Variants in SYNE1 observed in about 807,000 individuals in gnomAD.
The protein encoded by SYNE1 is spectrin repeat containing nuclear envelope protein 1.
Under a neutral mutation model 1,111.0 loss-of-function variants are expected in SYNE1, and 616 were observed. The observed-to-expected ratio is 0.55, with a 90% CI of 0.52 to 0.59. SYNE1 has a LOEUF of 0.59. Among genes scored for constraint, SYNE1 ranks in the 20% least tolerant of loss-of-function variants. The pLI is 0.00. For missense variants in SYNE1, 10,006 were observed against 10,417.0 expected, an observed-to-expected ratio of 0.96 and a Z score of 1.72; for synonymous variants, 3,855 against 3,825.8, an observed-to-expected ratio of 1.01 and a Z score of -0.28.
At position 152,331,422 on chromosome 6, in the gene SYNE1, C is replaced by T. The variant is rs756578817; in HGVS notation, c.13263G>A (p.Gln4421=). The T allele has an allele frequency of 3.7e-6, 6 of 1,614,056 alleles. No homozygotes were observed. Among genetic ancestry groups the T allele is most frequent in the Non-Finnish European group, 5.1e-6 (6 of 1,180,038 alleles). ...CATCAGAGAGAGCCTTCTGGATGACCTGTCGCTCATTGAGACCAAGATCTG... is the reference window on the plus strand; with the variant it reads ...CATCAGAGAGAGCCTTCTGGATGACTTGTCGCTCATTGAGACCAAGATCTG... ...VMADLGLNER[Q]VIQKALSDAQ... is the part of the protein sequence containing the mutation. The change falls in exon 78 of 146, where the codon CAG becomes CAA. Residue 4421 remains glutamine, a synonymous_variant. Coordinates refer to ENST00000367255, the MANE Select transcript of SYNE1 (RefSeq NM_182961.4).
chr6:152,539,825 G>T, intron 4 of SYNE1, 135 bp downstream of exon 4: 3 of 1,027,030 alleles, frequency 2.9e-6, no homozygotes, highest in South Asian at 1.3e-5. Context: ...GCAACAGCTA[G>T]ACCAACCAAT....
intron 64 of SYNE1, among the ~76,000 whole-genome samples, chr6:152,360,174 T>C (rs531029873): frequency 6.6e-6 from 1 of 152,328 alleles, no homozygotes; most frequent in Admixed American, 6.5e-5. Flanking sequence ...ATCGTCCCAA[T>C]GCTGCCGGGA....
chr6:152,340,345 G>A (rs1453403867), intron 74 of SYNE1, among the ~76,000 whole-genome samples: 1 of 152,170 alleles, frequency 6.6e-6, no homozygotes, highest in Non-Finnish European at 1.5e-5. Context: ...AAGGAGAGCT[G>A]ACCATACATC....
rs1272180366 is a variant in SYNE1, at chr6:152,462,824, C to A, written c.2164G>T (p.Ala722Ser). The change falls in exon 20 of 146, where the codon GCT (alanine) becomes TCT (serine). Residue 722 changes from alanine (A) to serine (S), a missense_variant. By Grantham distance (99) the Ala-to-Ser change is moderately conservative. Coordinates refer to ENST00000367255, the MANE Select transcript of SYNE1 (RefSeq NM_182961.4). ...TTCTTATGGGCTTCCGTTGCAAAAGCAGACAGGGTAACAACACAGTCTGTG... is the reference window on the plus strand; with the variant it reads ...TTCTTATGGGCTTCCGTTGCAAAAGAAGACAGGGTAACAACACAGTCTGTG... The part of the protein sequence containing the change: ...EYTDCVVTLS[A>S]FATEAHKKLS... 6 of 1,613,882 alleles carry A rather than the reference C, an allele frequency of 3.7e-6. No homozygotes were observed. Among genetic ancestry groups the A allele is most frequent in the African/African-American group, 1.3e-5 (1 of 74,908 alleles).
chr6:152,574,890 T>G (rs1219651914), intron 3 of SYNE1, among the ~76,000 whole-genome samples: 2 of 152,160 alleles, frequency 1.3e-5, no homozygotes, highest in Non-Finnish European at 2.9e-5. Context: ...TTTTGGTTTG[T>G]TTTTTGTTTT....
At chr6:152,311,429 T>C (rs2095542844) in intron 87 of SYNE1, among the ~76,000 whole-genome samples, 2 of 152,124 alleles carry the variant, frequency 1.3e-5, no homozygotes, top group East Asian at 3.8e-4. Context: ...ACATCCCTGA[T>C]CATTCAGAGT....
At chr6:152,550,425 T>C (rs1327445201) in intron 3 of SYNE1, among the ~76,000 whole-genome samples, 2 of 152,156 alleles carry the variant, frequency 1.3e-5, no homozygotes, top group Non-Finnish European at 2.9e-5. Flanking sequence ...CAAATTTTAA[T>C]GTATTTGTCA....
At chr6:152,378,253 C>G (rs908652437) in intron 56 of SYNE1, among the ~76,000 whole-genome samples, 4 of 152,116 alleles carry the variant, frequency 2.6e-5, no homozygotes, top group Admixed American at 2.0e-4. Context: ...AGATGAGTAA[C>G]TACTCAAATA....
At chr6:152,145,529 C>T in intron 137 of SYNE1, 1 of 1,614,068 alleles carries the variant, frequency 6.2e-7, no homozygotes, top group South Asian at 1.1e-5. Flanking sequence ...TTTACATAGG[C>T]CTCAGGGCTT....
chr6:152,140,283 G>T, intron 139 of SYNE1, 122 bp from the exon 140 acceptor site: 1 of 947,256 alleles, frequency 1.1e-6, no homozygotes, highest in Non-Finnish European at 1.7e-6. Flanking sequence ...AATTCCACTG[G>T]GCATTTTCGT....
intron 132 of SYNE1, 48 bp from the exon 133 acceptor site, chr6:152,155,090 T>C: frequency 6.2e-7 from 1 of 1,612,554 alleles, no homozygotes; most frequent in Non-Finnish European, 8.5e-7. Flanking sequence ...GAGACTGTTT[T>C]CGCTCCAGAA....
In SYNE1 at chr6:152,211,526, T is replaced by C. The variant is rs779555194; in HGVS notation, c.22557A>G (p.Gln7519=). 1.2e-5 allele frequency: 20 copies of C among 1,613,868 alleles called. No homozygotes were observed. In the East Asian group the frequency reaches 1.3e-4, roughly 11 times the overall value. Residue 7519 remains glutamine (Q), a synonymous_variant, in exon 124 of 146, where the codon CAA becomes CAG. Transcript: ENST00000367255. ...QILHSIIIDG[Q]RLLEQGQVDD... ...CAACTTGACCTTGTTCTAGAAGACG[T>C]TGCCCATCAATAATGATTGAGTGCA...
Position 152,208,090 on chromosome 6 carries a change from C to T in SYNE1, c.22706G>A (p.Arg7569Lys), listed in dbSNP as rs2076852621. 1 of 1,614,004 alleles carries T rather than the reference C, an allele frequency of 6.2e-7. No homozygotes were observed. Among genetic ancestry groups the T allele is most frequent in the Non-Finnish European group, 8.5e-7 (1 of 1,180,024 alleles). ...TTTACGAAGCTTTTCTGCCATCTCC[C>T]TATAGCGCTGCCACTGGCGAATCTG... ...DSQIRQWQRY[R>K]EMAEKLRKWL... Residue 7569 changes from arginine to lysine, a missense_variant, in exon 125 of 146, where the codon AGG becomes AAG. This residue lies in a region of SYNE1 where 2,182 missense variants were observed against 2,287.8 expected (regional missense o/e 0.95). Transcript: ENST00000367255.
In SYNE1 at chr6:152,442,214, CTCT is replaced by C. The variant is rs763266451; in HGVS notation, c.3866_3868del (p.Lys1289del). On this transcript the variant is annotated inframe_deletion, in exon 31 of 146. Coordinates refer to ENST00000367255, the MANE Select transcript of SYNE1 (RefSeq NM_182961.4). ...CTGCGCGATCTGCTGCTGCACATCT[CTCT>C]TCTTTGCTGAGATCCGCTTTGTCTT... The C allele has an allele frequency of 5.6e-6, 9 of 1,613,492 alleles. No homozygotes were observed. Among genetic ancestry groups the C allele is most frequent in the African/African-American group, 4.0e-5 (3 of 75,064 alleles).
chr6:152,422,669 CT>C (rs1419909498), intron 39 of SYNE1, among the ~76,000 whole-genome samples: 2 of 151,956 alleles, frequency 1.3e-5, no homozygotes, highest in Non-Finnish European at 2.9e-5. Flanking sequence ...TGCCTGGATA[CT>C]TTTTTGAAAA....
intron 32 of SYNE1, among the ~76,000 whole-genome samples, chr6:152,437,321 A>G (rs894182557): frequency 2.0e-5 from 3 of 152,226 alleles, no homozygotes; most frequent in African/African-American, 7.2e-5. Context: ...GCTAGAATCC[A>G]GGATCACTAG....
At chr6:152,479,399 C>A (rs1041707302) in intron 14 of SYNE1, among the ~76,000 whole-genome samples, 1 of 152,178 alleles carries the variant, frequency 6.6e-6, no homozygotes, top group Non-Finnish European at 1.5e-5. Context: ...TTCCTTATGA[C>A]TGAAAGCCTT....
At chr6:152,373,439 C>A (rs1199366880) in intron 58 of SYNE1, among the ~76,000 whole-genome samples, 2 of 152,006 alleles carry the variant, frequency 1.3e-5, no homozygotes, top group Non-Finnish European at 2.9e-5. Context: ...GCTGCCACAC[C>A]CAGATAATTT....
chr6:152,579,243 G>A (rs1171041321), intron 3 of SYNE1, among the ~76,000 whole-genome samples: 2 of 152,176 alleles, frequency 1.3e-5, no homozygotes, highest in Non-Finnish European at 2.9e-5. Context: ...GCTGTGACAA[G>A]TAGGATATGT....
Sources: allele counts gnomAD v4.1 joint callset (sites outside exome capture counted in the v4.1 genomes callset), GRCh38; gene constraint gnomAD v4.1.1; regional missense constraint gnomAD v4.1.1; transcripts MANE v1.5; gene names NCBI Gene and HGNC (gene_info 2026-07-23, HGNC 2026-07-21).